Variants in DNER observed in about 807,000 individuals in gnomAD.
DNER encodes the protein delta/notch like EGF repeat containing.
A neutral mutation model predicts 78.2 loss-of-function variants in DNER; 33 were observed. That is an observed-to-expected ratio of 0.42 (90% confidence interval 0.32 to 0.56). The LOEUF is 0.56. Among genes scored for constraint, DNER ranks in the 20% least tolerant of loss-of-function variants. The probability of loss-of-function intolerance (pLI) is 0.11; values close to 1 mark genes in which losing one functional copy is unlikely to be tolerated. For synonymous variants in DNER, 417 were observed against 384.8 expected (o/e 1.08, Z -0.98); for missense variants, 918 against 975.3 (o/e 0.94, Z 0.78).
intron 7 of DNER, among the ~76,000 whole-genome samples, chr2:229,449,592 C>T (rs944478528): frequency 2.6e-5 from 4 of 151,734 alleles, no homozygotes; most frequent in Non-Finnish European, 2.9e-5. Context: ...TGGGGGTGGG[C>T]GGTGGCCAGT....
intron 1 of DNER, among the ~76,000 whole-genome samples, chr2:229,601,448 A>G (rs1482947861): frequency 6.6e-6 from 1 of 152,252 alleles, no homozygotes; most frequent in Non-Finnish European, 1.5e-5. Flanking sequence ...TACTGAATCA[A>G]GAACTATATG....
At chr2:229,470,231 T>C (rs560047671) in intron 7 of DNER, among the ~76,000 whole-genome samples, 1 of 152,322 alleles carries the variant, frequency 6.6e-6, no homozygotes, top group African/African-American at 2.4e-5. Context: ...ATCTCTTTTT[T>C]AGAAGAAAAC....
intron 1 of DNER, among the ~76,000 whole-genome samples, chr2:229,678,019 C>T (rs1347220755): frequency 2.6e-5 from 4 of 152,178 alleles, no homozygotes; most frequent in Admixed American, 1.3e-4. Context: ...ATAAATTGCA[C>T]TCATATTTGC....
Position 229,407,318 on chromosome 2 carries a change from G to C in DNER, c.1637C>G (p.Pro546Arg). Residue 546 changes from proline to arginine, a missense_variant, in exon 10 of 13, where the codon CCC (proline) becomes CGC (arginine). By Grantham distance (103) the Pro-to-Arg change is moderately radical (BLOSUM62 -2). Coordinates refer to ENST00000341772, the MANE Select transcript of DNER (RefSeq NM_139072.4). ...KGTHCELYKD[P>R]CANVSCLNGA... ...GTTCAGACAGCTGACGTTAGCGCAG[G>C]GATCCTTGTACAATTCACAGTGTGT... 6.2e-7 allele frequency: 1 copy of C among 1,613,848 alleles called. No individual in the cohort carries two copies. The highest frequency in any genetic ancestry group is 8.5e-7 in the Non-Finnish European group (1 of 1,179,840).
chr2:229,366,570 CA>C (rs1393937445), intron 12 of DNER, among the ~76,000 whole-genome samples: 3 of 152,036 alleles, frequency 2.0e-5, no homozygotes, highest in South Asian at 4.1e-4. Context: ...AAAAATTCAA[CA>C]AAAAAAGTTT....
At chr2:229,713,472 G>A (rs1221008849) in intron 1 of DNER, among the ~76,000 whole-genome samples, 2 of 152,162 alleles carry the variant, frequency 1.3e-5, no homozygotes, top group African/African-American at 4.8e-5. Context: ...TGGAGCGTCC[G>A]GCAGGAAGGG....
rs181284974 is a variant in DNER, at chr2:229,661,504, A to C, written c.276+52644T>G. Among the ~76,000 whole-genome samples, 227 of 152,352 alleles carry C rather than the reference A, an allele frequency of 1.5e-3. 2 individuals are homozygous for C. Among genetic ancestry groups the C allele is most frequent in the Middle Eastern group, 3.4e-3 (1 of 294 alleles). ...ATTAACCTCCTTATGGACTGCTCAA[A>C]GAAAGATGACCTAGATCATTGTCCT... On this transcript the variant is annotated intron_variant, in intron 1 of 12. Coordinates refer to ENST00000341772, the MANE Select transcript of DNER (RefSeq NM_139072.4).
intron 10 of DNER, among the ~76,000 whole-genome samples, chr2:229,395,428 C>T (rs2106339234): frequency 6.6e-6 from 1 of 152,302 alleles, no homozygotes; most frequent in Admixed American, 6.5e-5. Context: ...AGGGGAATGT[C>T]CTTGCAGTGA....
chr2:229,586,955 A>T (rs1697513826), intron 3 of DNER: 1 of 985,250 alleles, frequency 1.0e-6, no homozygotes, highest in Non-Finnish European at 1.2e-6. Context: ...TAACCCCCAC[A>T]AGTGAATTCA....
intron 1 of DNER, among the ~76,000 whole-genome samples, chr2:229,627,809 G>A (rs986445648): frequency 4.6e-5 from 7 of 152,174 alleles, no homozygotes; most frequent in African/African-American, 1.7e-4. Flanking sequence ...GGAACCCCAG[G>A]CAAGTTGGAG....
At chr2:229,701,292 C>A (rs1007807410) in intron 1 of DNER, among the ~76,000 whole-genome samples, 7 of 152,174 alleles carry the variant, frequency 4.6e-5, no homozygotes, top group Non-Finnish European at 1.0e-4. Flanking sequence ...AATTATTTGA[C>A]AAGAATTTAA....
intron 11 of DNER, among the ~76,000 whole-genome samples, chr2:229,380,478 C>T (rs1574815250): frequency 6.6e-6 from 1 of 152,226 alleles, no homozygotes; most frequent in East Asian, 1.9e-4. Flanking sequence ...TGCAACTTTC[C>T]CAGGAAAAGA....
At chr2:229,389,855 A>G (rs1240354376) in intron 10 of DNER, among the ~76,000 whole-genome samples, 1 of 152,260 alleles carries the variant, frequency 6.6e-6, no homozygotes, top group Non-Finnish European at 1.5e-5. Flanking sequence ...TAGGTTGATT[A>G]TAATTCAGTA....
chr2:229,562,617 T>C (rs995869332), intron 4 of DNER, among the ~76,000 whole-genome samples: 1 of 152,072 alleles, frequency 6.6e-6, no homozygotes, highest in African/African-American at 2.4e-5. Flanking sequence ...GATACCAGGC[T>C]CCTGTGCTGA....
chr2:229,665,493 T>G (rs1168934851), intron 1 of DNER, among the ~76,000 whole-genome samples: 1 of 152,132 alleles, frequency 6.6e-6, no homozygotes, highest in African/African-American at 2.4e-5. Flanking sequence ...TTTAAGTAAT[T>G]ATCTAAAGCA....
intron 12 of DNER, among the ~76,000 whole-genome samples, chr2:229,365,834 C>T (rs182846634): frequency 6.6e-6 from 1 of 152,346 alleles, no homozygotes; most frequent in Admixed American, 6.5e-5. Context: ...GCACCAAGCT[C>T]AGCCCACTTT....
intron 11 of DNER, among the ~76,000 whole-genome samples, chr2:229,378,586 G>T (rs1048566518): frequency 3.3e-5 from 5 of 152,166 alleles, no homozygotes; most frequent in African/African-American, 1.2e-4. Context: ...TGACTCAGCA[G>T]CCCTCCAGCA....
chr2:229,538,259 G>A (rs558669930), intron 5 of DNER, among the ~76,000 whole-genome samples: 6 of 152,320 alleles, frequency 3.9e-5, no homozygotes, highest in East Asian at 1.9e-4. Context: ...ACATCTTCAC[G>A]TTAGCATTAA....
At chr2:229,504,642 T>C (rs1695698190) in intron 6 of DNER, among the ~76,000 whole-genome samples, 1 of 152,244 alleles carries the variant, frequency 6.6e-6, no homozygotes, top group Admixed American at 6.5e-5. Flanking sequence ...TAATATTTAT[T>C]TTATTATAAA....
Sources: allele counts gnomAD v4.1 joint callset (sites outside exome capture counted in the v4.1 genomes callset), GRCh38; gene constraint gnomAD v4.1.1; transcripts MANE v1.5; gene names NCBI Gene and HGNC (gene_info 2026-07-23, HGNC 2026-07-21).